AGBL4: variants seen among roughly 807,000 people sequenced by gnomAD.
AGBL4 encodes the protein cytosolic carboxypeptidase 6.
In AGBL4, 58 loss-of-function variants were observed where a neutral mutation model predicts 66.4. The observed-to-expected ratio is 0.87, with a 90% confidence interval of 0.71 to 1.09. The LOEUF (loss-of-function observed/expected upper bound fraction) is 1.09. Among genes scored for constraint, AGBL4 ranks in the 50% least tolerant of loss-of-function variants. AGBL4 has a pLI of 0.00. For missense variants in AGBL4, 579 were observed against 631.0 expected (o/e 0.92, Z 0.88); for synonymous variants, 234 against 222.9 (o/e 1.05, Z -0.44).
At position 49,409,149 on chromosome 1, in the gene AGBL4, G is replaced by GCTCTCTCTCTCTCTCTCT. The variant is rs373757168; in HGVS notation, c.283-163303_283-163286dup. On this transcript the variant is annotated intron_variant, in intron 3 of 13. Coordinates refer to ENST00000371839, the MANE Select transcript of AGBL4 (RefSeq NM_032785.4). ...TCTCCATCAAACCCCACTCTCTCTG[G>GCTCTCTCTCTCTCTCTCT]CTCTCTCTCTCTCTCTCTCTCTCAT... Among the ~76,000 whole-genome samples the GCTCTCTCTCTCTCTCTCT allele has an allele frequency of 4.7e-4, 68 of 146,062 alleles. No individual in the cohort carries two copies. The Middle Eastern group carries it at 0.014, about 31-fold the overall frequency.
At chr1:48,894,435 C>T (rs1179797550) in intron 5 of AGBL4, among the ~76,000 whole-genome samples, 1 of 152,152 alleles carries the variant, frequency 6.6e-6, no homozygotes, top group African/African-American at 2.4e-5. Context: ...TTATACCATA[C>T]CTTCTGTATA....
intron 5 of AGBL4, among the ~76,000 whole-genome samples, chr1:49,040,983 CCTTAT>C (rs1366645853): frequency 6.6e-6 from 1 of 152,014 alleles, no homozygotes; most frequent in Non-Finnish European, 1.5e-5. Flanking sequence ...CTCATGATGT[CCTTAT>C]CTTAAATGGC....
intron 6 of AGBL4, among the ~76,000 whole-genome samples, chr1:48,794,037 C>T (rs1277230132): frequency 6.6e-6 from 1 of 152,132 alleles, no homozygotes; most frequent in Non-Finnish European, 1.5e-5. Flanking sequence ...AGAGGAAGCA[C>T]CTTGGCTGGG....
Position 49,748,185 on chromosome 1 carries a change from C to T in AGBL4, c.158-50748G>A, listed in dbSNP as rs144662347. 8.0e-3 allele frequency among the ~76,000 whole-genome samples: 1,220 copies of T among 152,002 alleles called. 9 individuals are homozygous for T. The highest frequency in any genetic ancestry group is 0.031 in the Middle Eastern group (9 of 294). ...TTGCGCCCCACCCCCTGACAGGCTC[C>T]GGTGTGTGATGTTCCCCTCCCTGTG... On this transcript the variant is annotated intron_variant, in intron 2 of 13. Coordinates refer to ENST00000371839, the MANE Select transcript of AGBL4 (RefSeq NM_032785.4).
chr1:48,780,379 A>G (rs896158269), intron 6 of AGBL4, among the ~76,000 whole-genome samples: 17 of 152,152 alleles, frequency 1.1e-4, no homozygotes, highest in African/African-American at 4.1e-4. Context: ...ATTCAATGCT[A>G]TCCCCATCAA....
chr1:50,023,017 C>T (rs904689198), intron 1 of AGBL4, among the ~76,000 whole-genome samples: 2 of 152,120 alleles, frequency 1.3e-5, no homozygotes, highest in Non-Finnish European at 2.9e-5. Context: ...CCCTTAAAGG[C>T]TATCTTCTAC....
intron 3 of AGBL4, among the ~76,000 whole-genome samples, chr1:49,611,646 G>A (rs1437858892): frequency 6.6e-6 from 1 of 151,988 alleles, no homozygotes; most frequent in Non-Finnish European, 1.5e-5. Context: ...CAAAGTACTG[G>A]GATTACAGGC....
chr1:49,494,968 TTTAA>T (rs1281742641), intron 3 of AGBL4, among the ~76,000 whole-genome samples: 1 of 152,100 alleles, frequency 6.6e-6, no homozygotes, highest in African/African-American at 2.4e-5. Flanking sequence ...TTTAATATAC[TTTAA>T]TTGTCATTTT....
At chr1:48,636,489 C>T (rs1232193325) in intron 8 of AGBL4, among the ~76,000 whole-genome samples, 1 of 152,150 alleles carries the variant, frequency 6.6e-6, no homozygotes, top group Non-Finnish European at 1.5e-5. Context: ...GGTCACTGAG[C>T]TACTATGTAA....
intron 1 of AGBL4, among the ~76,000 whole-genome samples, chr1:49,975,270 A>T (rs1431978816): frequency 6.6e-6 from 1 of 152,238 alleles, no homozygotes; most frequent in Non-Finnish European, 1.5e-5. Context: ...TGTTGGGTAT[A>T]ATGAAATTCT....
intron 3 of AGBL4, among the ~76,000 whole-genome samples, chr1:49,252,858 T>A (rs1652180635): frequency 6.6e-6 from 1 of 152,154 alleles, no homozygotes; most frequent in Non-Finnish European, 1.5e-5. Context: ...AAACAAATGC[T>A]GAGGAAATTT....
chr1:49,221,119 CT>C (rs1649463159), intron 4 of AGBL4, among the ~76,000 whole-genome samples: 2 of 152,040 alleles, frequency 1.3e-5, no homozygotes, highest in Admixed American at 1.3e-4. Flanking sequence ...TTAGAGATAT[CT>C]CCTCACAGTG....
chr1:49,969,456 G>T (rs143948741), intron 1 of AGBL4, among the ~76,000 whole-genome samples: 1 of 152,044 alleles, frequency 6.6e-6, no homozygotes, highest in East Asian at 1.9e-4. Context: ...CATGCTATAC[G>T]GTGTATCTCT....
Position 49,114,482 on chromosome 1 carries a change from T to C in AGBL4, c.378-68682A>G, listed in dbSNP as rs570941057. ...AAATCAGCAATAAGGCTGTTTTGCT[T>C]TCTTATGATTTGTGTATTTACTGGC... On this transcript the variant is annotated intron_variant, in intron 4 of 13. Transcript: ENST00000371839. Among the ~76,000 whole-genome samples, 3 of 152,312 alleles carry C rather than the reference T, an allele frequency of 2.0e-5. No homozygotes were observed. In the South Asian group the frequency reaches 6.2e-4, roughly 32 times the overall value.
At chr1:49,300,507 T>C (rs1483185092) in intron 3 of AGBL4, among the ~76,000 whole-genome samples, 1 of 152,180 alleles carries the variant, frequency 6.6e-6, no homozygotes, top group Non-Finnish European at 1.5e-5. Flanking sequence ...AGGGGTGTTT[T>C]TCTGCTTTTA....
intron 2 of AGBL4, among the ~76,000 whole-genome samples, chr1:49,737,569 G>A (rs571494641): frequency 1.3e-5 from 2 of 152,262 alleles, no homozygotes; most frequent in South Asian, 4.1e-4. Flanking sequence ...GAAAAACTAA[G>A]AACCAGGTTC....
chr1:49,423,272 G>A (rs891034352), intron 3 of AGBL4: 4 of 152,086 alleles, frequency 2.6e-5, no homozygotes, highest in Non-Finnish European at 5.9e-5. Context: ...TTCAAGACAG[G>A]GTTTGTCTTT....
intron 3 of AGBL4, among the ~76,000 whole-genome samples, chr1:49,461,220 T>C (rs1454710139): frequency 6.6e-6 from 1 of 151,694 alleles, no homozygotes; most frequent in Non-Finnish European, 1.5e-5. Context: ...ATTTCTCTTC[T>C]TCCTCAAGAA....
At chr1:48,958,679 G>T (rs1657702043) in intron 5 of AGBL4, among the ~76,000 whole-genome samples, 1 of 152,200 alleles carries the variant, frequency 6.6e-6, no homozygotes, top group Non-Finnish European at 1.5e-5. Context: ...CCTGGGACTG[G>T]CCAGGGCTGG....
Sources: allele counts gnomAD v4.1 joint callset (sites outside exome capture counted in the v4.1 genomes callset), GRCh38; gene constraint gnomAD v4.1.1; transcripts MANE v1.5; gene names NCBI Gene and HGNC (gene_info 2026-07-23, HGNC 2026-07-21).